The following FRMD3 variants were observed in gnomAD, a reference collection of about 807,000 sequenced individuals.
The protein encoded by FRMD3 is FERM domain-containing protein 3.
A neutral mutation model predicts 70.2 loss-of-function variants in FRMD3; 33 were observed. The ratio of observed to expected loss-of-function variants is 0.47; its 90% CI spans 0.36 to 0.63. FRMD3 has a LOEUF of 0.63. Among genes scored for constraint, FRMD3 ranks in the 20% least tolerant of loss-of-function variants. FRMD3 has a pLI of 0.00. For missense variants in FRMD3, 632 were observed against 711.4 expected (o/e 0.89, Z 1.27); for synonymous variants, 279 against 255.9 (o/e 1.09, Z -0.86).
chr9:83,425,907 C>CAAAAAA lies in FRMD3; in HGVS notation c.148-36205_148-36200dup, dbSNP rs71498055. On this transcript the variant is annotated intron_variant, in intron 1 of 13. Transcript: ENST00000304195. The stretch of plus-strand genomic sequence containing the variant: ...GGGCAAGAAGAGTAAAACTCCGTCT[C>CAAAAAA]AAAAAAAAAAAAAAAAAAAAACAAC... Among the ~76,000 whole-genome samples the CAAAAAA allele has an allele frequency of 2.7e-4, 23 of 86,484 alleles. 2 individuals are homozygous for CAAAAAA. The highest frequency in any genetic ancestry group is 4.7e-4 in the South Asian group (1 of 2,146). 56.7% of individuals were successfully genotyped at this position (86,484 alleles called of 152,430 possible). A position where few individuals can be genotyped will look rare whatever the true frequency, so the allele number is the denominator to read the frequency against.
At chr9:83,377,027 T>A (rs1825171322) in intron 2 of FRMD3, among the ~76,000 whole-genome samples, 1 of 152,190 alleles carries the variant, frequency 6.6e-6, no homozygotes. Flanking sequence ...ACATAACTAC[T>A]AAAATTTTAG....
rs181663441 is a variant in FRMD3 at position 83,341,767 on chromosome 9, C to T, written c.472+1423G>A. Reference sequence around the variant, plus strand: ...TCTGCTGTCCAGGATGAAGCTGTTCCCAGGGAAGGGGGTGAAGAACAACAC... The same window carrying T: ...TCTGCTGTCCAGGATGAAGCTGTTCTCAGGGAAGGGGGTGAAGAACAACAC... On this transcript the variant is annotated intron_variant, in intron 5 of 13. Coordinates refer to ENST00000304195, the MANE Select transcript of FRMD3 (RefSeq NM_174938.6). 4.5e-4 allele frequency among the ~76,000 whole-genome samples: 68 copies of T among 152,110 alleles called. No individual in the cohort carries two copies. In the East Asian group the frequency reaches 0.013, roughly 28 times the overall value.
intron 1 of FRMD3, among the ~76,000 whole-genome samples, chr9:83,480,496 AT>A (rs11376067): frequency 0.13 from 18,859 of 142,842 alleles, 1,569 homozygotes; most frequent in African/African-American, 0.27. Context: ...TAAACTAGAG[AT>A]TTTTTTTTTT....
intron 13 of FRMD3, among the ~76,000 whole-genome samples, chr9:83,261,141 A>ACACACACACACACACACAC (rs1554677851): frequency 3.4e-5 from 5 of 148,014 alleles, no homozygotes; most frequent in African/African-American, 1.3e-4. Flanking sequence ...ACACACACAC[A>ACACACACACACACACACAC]GCAGATCCTA....
the FRMD3 span, among the ~76,000 whole-genome samples, chr9:83,554,659 T>TGTTAGTCTGAGGGCAAGGGCA: frequency 6.6e-6 from 1 of 152,166 alleles, no homozygotes; most frequent in African/African-American, 2.4e-5. Context: ...TTTGCTCCTT[T>TGTTAGTCTGAGGGCAAGGGCA]GTTAGTCTGA....
intron 1 of FRMD3, among the ~76,000 whole-genome samples, chr9:83,440,599 A>G (rs1204449225): frequency 2.6e-5 from 4 of 152,212 alleles, no homozygotes; most frequent in African/African-American, 9.6e-5. Flanking sequence ...TTACTATCCA[A>G]TTCTTCATTT....
intron 1 of FRMD3, among the ~76,000 whole-genome samples, chr9:83,417,725 T>G (rs1342698677): frequency 6.6e-6 from 1 of 152,128 alleles, no homozygotes; most frequent in African/African-American, 2.4e-5. Flanking sequence ...GCAAAGAAAG[T>G]GCATAAATTA....
chr9:83,549,578 A>G, the FRMD3 span, among the ~76,000 whole-genome samples: 18 of 152,026 alleles, frequency 1.2e-4, no homozygotes, highest in Non-Finnish European at 2.4e-4. Context: ...AGCGTATAAG[A>G]GTTTCCTTTT....
chr9:83,265,329 G>C (rs1488971167), intron 13 of FRMD3, among the ~76,000 whole-genome samples: 1 of 150,444 alleles, frequency 6.6e-6, no homozygotes, highest in South Asian at 2.1e-4. Flanking sequence ...GAACCCGGGA[G>C]GTGGAGCTTG....
At chr9:83,393,992 A>C (rs1380880173) in intron 1 of FRMD3, among the ~76,000 whole-genome samples, 1 of 151,720 alleles carries the variant, frequency 6.6e-6, no homozygotes, top group East Asian at 1.9e-4. Flanking sequence ...TGGAGGAATA[A>C]AAATCTAGTA....
At chr9:83,295,989 GC>G (rs2119002651) in intron 12 of FRMD3, among the ~76,000 whole-genome samples, 1 of 152,340 alleles carries the variant, frequency 6.6e-6, no homozygotes, top group Admixed American at 6.5e-5. Flanking sequence ...ACACACCTCA[GC>G]AGATGTAGGA....
At chr9:83,524,203 C>T (rs1016066077) in intron 1 of FRMD3, among the ~76,000 whole-genome samples, 1 of 152,180 alleles carries the variant, frequency 6.6e-6, no homozygotes, top group Non-Finnish European at 1.5e-5. Flanking sequence ...CATTAAAGGG[C>T]AGATAGAAAA....
chr9:83,257,877 T>C (rs1383047460), intron 13 of FRMD3, among the ~76,000 whole-genome samples: 1 of 152,204 alleles, frequency 6.6e-6, no homozygotes, highest in African/African-American at 2.4e-5. Flanking sequence ...CACAGCCCAA[T>C]TAAAATAGAT....
At chr9:83,289,082 T>C (rs184173730) in intron 13 of FRMD3, among the ~76,000 whole-genome samples, 4 of 152,350 alleles carry the variant, frequency 2.6e-5, no homozygotes, top group South Asian at 2.1e-4. Context: ...GGGATAATCA[T>C]GACCTTCAGA....
At chr9:83,495,012 A>G (rs1331989336) in intron 1 of FRMD3, among the ~76,000 whole-genome samples, 1 of 151,558 alleles carries the variant, frequency 6.6e-6, no homozygotes, top group Admixed American at 6.6e-5. Context: ...CAGTTGCACA[A>G]TATTCTACCA....
intron 10 of FRMD3, among the ~76,000 whole-genome samples, chr9:83,301,456 T>C (rs1388702473): frequency 6.6e-6 from 1 of 152,086 alleles, no homozygotes; most frequent in Non-Finnish European, 1.5e-5. Context: ...GAAGCTTCTA[T>C]TTTTTATTGT....
In FRMD3 at chr9:83,368,727, T is replaced by C. The variant is rs370631196; in HGVS notation, c.295+4186A>G. On this transcript the variant is annotated intron_variant, in intron 3 of 13. Transcript: ENST00000304195. ...TAACATTTGAGGGAGTCAGATTGTG[T>C]CACTTGTGTCATTAGATTTTTTGTA... Among the ~76,000 whole-genome samples, 5 of 152,332 alleles carry C rather than the reference T, an allele frequency of 3.3e-5. No individual in the cohort carries two copies. The East Asian group carries it at 7.7e-4, about 23-fold the overall frequency.
chr9:83,407,878 T>TCTCCTC (rs1826164799), intron 1 of FRMD3, among the ~76,000 whole-genome samples: 2 of 89,048 alleles, frequency 2.2e-5, no homozygotes, highest in Middle Eastern at 5.1e-3. Context: ...TCTCTCATCT[T>TCTCCTC]TCTCTCTCTC....
At chr9:83,561,321 C>T in the FRMD3 span, among the ~76,000 whole-genome samples, 3 of 152,124 alleles carry the variant, frequency 2.0e-5, no homozygotes, top group Non-Finnish European at 4.4e-5. Context: ...ATAAGGCTTT[C>T]CAGACACCAC....
Sources: allele counts gnomAD v4.1 joint callset (sites outside exome capture counted in the v4.1 genomes callset), GRCh38; gene constraint gnomAD v4.1.1; transcripts MANE v1.5; gene names NCBI Gene and HGNC (gene_info 2026-07-23, HGNC 2026-07-21).